Variants in MOXD1 observed in about 807,000 individuals in gnomAD.
MOXD1 encodes DBH-like monooxygenase protein 1.
MOXD1 carries 62 observed loss-of-function variants against 66.6 expected under a neutral mutation model. That is an observed-to-expected ratio of 0.93 (90% CI 0.76 to 1.15). The LOEUF (loss-of-function observed/expected upper bound fraction) is 1.15. Ranked by LOEUF, MOXD1 falls within the 50% of genes most tolerant of loss-of-function variation. The pLI is 0.00. For missense variants in MOXD1, 847 were observed against 754.6 expected (o/e 1.12, Z -1.44); for synonymous variants, 303 against 281.9 (o/e 1.07, Z -0.75).
At chr6:132,343,993 T>C (rs1422014989) in intron 4 of MOXD1, among the ~76,000 whole-genome samples, 2 of 152,292 alleles carry the variant, frequency 1.3e-5, no homozygotes, top group South Asian at 2.1e-4. Flanking sequence ...GTTTTTTCTA[T>C]ATCTATTAAG....
Position 132,401,454 on chromosome 6 carries a change from C to T in MOXD1, c.-28G>A, listed in dbSNP as rs1188886830. ...TCGGGCGCCTCCTGCCCGCCGGTAC[C>T]GGCCTCCAGCCGCTGGGGAGTGAGG... On this transcript the variant is annotated 5_prime_UTR_variant, in exon 1 of 12. Transcript: ENST00000367963. 25 of 1,463,568 alleles carry T rather than the reference C, an allele frequency of 1.7e-5. No homozygotes were observed. The highest frequency in any genetic ancestry group is 1.6e-4 in the South Asian group (12 of 73,424). The allele number at this position is 1,463,568 out of a possible 1,614,324, so 90.7% of individuals were successfully genotyped here. A position where few individuals can be genotyped will look rare whatever the true frequency, so the allele number is the denominator to read the frequency against.
chr6:132,307,747 G>A (rs918610736), intron 10 of MOXD1, among the ~76,000 whole-genome samples: 2 of 152,132 alleles, frequency 1.3e-5, no homozygotes, highest in African/African-American at 2.4e-5. Flanking sequence ...AATGGAAATC[G>A]AACAACCTGG....
intron 2 of MOXD1, 111 bp from the exon 3 acceptor site, chr6:132,373,108 A>G: frequency 9.3e-7 from 1 of 1,076,342 alleles, no homozygotes; most frequent in Non-Finnish European, 1.3e-6. Context: ...AGAAAAGACA[A>G]TAATGACATT....
intron 4 of MOXD1, among the ~76,000 whole-genome samples, chr6:132,338,079 A>G (rs1400774506): frequency 6.6e-6 from 1 of 152,154 alleles, no homozygotes; most frequent in Non-Finnish European, 1.5e-5. Flanking sequence ...TATTCATTTA[A>G]TCCTCAAAGC....
Position 132,314,627 on chromosome 6 carries a change from A to G in MOXD1, c.1508+1008T>C, listed in dbSNP as rs1774902603. 2.6e-5 allele frequency among the ~76,000 whole-genome samples: 4 copies of G among 151,904 alleles called. No homozygotes were observed. The South Asian group carries it at 8.3e-4, about 32-fold the overall frequency. On this transcript the variant is annotated intron_variant, in intron 10 of 11. Coordinates refer to ENST00000367963, the MANE Select transcript of MOXD1 (RefSeq NM_015529.4). Reference sequence around the variant, plus strand: ...GTTCAGACTAACCACAGGGTCATTCATTACACTGGCTCTTTCCTGTGCAGA... The same window carrying G: ...GTTCAGACTAACCACAGGGTCATTCGTTACACTGGCTCTTTCCTGTGCAGA...
chr6:132,361,090 A>C (rs1009289511), intron 4 of MOXD1, among the ~76,000 whole-genome samples: 2 of 152,194 alleles, frequency 1.3e-5, no homozygotes, highest in African/African-American at 4.8e-5. Context: ...TTTATTGGTA[A>C]TGAGATGCAT....
At chr6:132,339,015 A>C (rs1465986024) in intron 4 of MOXD1, among the ~76,000 whole-genome samples, 1 of 152,234 alleles carries the variant, frequency 6.6e-6, no homozygotes, top group Non-Finnish European at 1.5e-5. Flanking sequence ...CCAATATTTC[A>C]AAATCTAATT....
intron 4 of MOXD1, among the ~76,000 whole-genome samples, chr6:132,353,482 A>G (rs1172574098): frequency 2.6e-5 from 4 of 152,360 alleles, no homozygotes; most frequent in Middle Eastern, 3.4e-3. Flanking sequence ...GATTCTGAAG[A>G]TAAAGCCTCA....
intron 4 of MOXD1, among the ~76,000 whole-genome samples, chr6:132,334,060 C>T (rs1406471531): frequency 1.3e-5 from 2 of 152,198 alleles, no homozygotes; most frequent in Non-Finnish European, 1.5e-5. Context: ...ACCTTGACAA[C>T]GACCGTTTTT....
chr6:132,356,173 T>C (rs182471270), intron 4 of MOXD1, among the ~76,000 whole-genome samples: 1 of 152,346 alleles, frequency 6.6e-6, no homozygotes, highest in African/African-American at 2.4e-5. Context: ...GTTCACCTTA[T>C]GAAAATTCAA....
intron 4 of MOXD1, among the ~76,000 whole-genome samples, chr6:132,346,592 G>C (rs1775673235): frequency 6.6e-6 from 1 of 152,146 alleles, no homozygotes; most frequent in African/African-American, 2.4e-5. Flanking sequence ...CCTTTTAAAT[G>C]CCTGCAAAGT....
chr6:132,373,985 T>C (rs543780693), intron 2 of MOXD1, among the ~76,000 whole-genome samples: 45 of 152,308 alleles, frequency 3.0e-4, no homozygotes, highest in Non-Finnish European at 4.9e-4. Context: ...ATTTTTTACA[T>C]TCCCATTTTT....
chr6:132,392,304 A>C (rs1431693784), intron 1 of MOXD1: 1 of 1,593,400 alleles, frequency 6.3e-7, no homozygotes, highest in East Asian at 2.3e-5. Flanking sequence ...GCAAGGCTGT[A>C]AGAAATGATA....
intron 10 of MOXD1, among the ~76,000 whole-genome samples, chr6:132,307,682 C>T (rs1028873708): frequency 5.3e-5 from 8 of 152,176 alleles, no homozygotes; most frequent in African/African-American, 1.9e-4. Context: ...TCTCAGACCA[C>T]AGTGCAGTCA....
chr6:132,348,103 A>C (rs1775703921), intron 4 of MOXD1, among the ~76,000 whole-genome samples: 1 of 152,184 alleles, frequency 6.6e-6, no homozygotes, highest in South Asian at 2.1e-4. Flanking sequence ...AGAGGTTCAC[A>C]CTGAACTCAC....
Position 132,369,345 on chromosome 6 carries a change from TATC to T in MOXD1, c.663+3260_663+3262del, listed in dbSNP as rs1776215583. On this transcript the variant is annotated intron_variant, in intron 4 of 11. Coordinates refer to ENST00000367963, the MANE Select transcript of MOXD1 (RefSeq NM_015529.4). ...GCCTTTTCCATTTCAACTAAGCACT[TATC>T]ATGCACTGTGGCCATAACTTTTGCA... Among the ~76,000 whole-genome samples, 3 of 152,254 alleles carry T rather than the reference TATC, an allele frequency of 2.0e-5. No individual in the cohort carries two copies. In the South Asian group the frequency reaches 6.2e-4, roughly 32 times the overall value.
At chr6:132,315,257 A>C (rs1774917444) in intron 10 of MOXD1, among the ~76,000 whole-genome samples, 1 of 152,182 alleles carries the variant, frequency 6.6e-6, no homozygotes, top group Non-Finnish European at 1.5e-5. Context: ...TGATGGTGTA[A>C]TTTGGTGCAT....
At chr6:132,337,153 CT>C (rs2114600864) in intron 4 of MOXD1, among the ~76,000 whole-genome samples, 1 of 152,352 alleles carries the variant, frequency 6.6e-6, no homozygotes, top group Non-Finnish European at 1.5e-5. Context: ...GGTTTATTTA[CT>C]CAAGTTTTCC....
rs2114665554 is a variant in MOXD1, at chr6:132,374,690, T to C, written c.352A>G (p.Thr118Ala). Residue 118 changes from threonine (T) to alanine (A), a missense_variant, in exon 2 of 12, where the codon ACA (threonine) becomes GCA (alanine). Physicochemically the swap from Thr to Ala is moderately conservative, Grantham distance 58 (BLOSUM62 0). Coordinates refer to ENST00000367963, the MANE Select transcript of MOXD1 (RefSeq NM_015529.4). ...LEYAMENSTH[T>A]IIEFTRELHT... ...AGCTCTCTGGTAAATTCAATTATTG[T>C]GTGTGTGCTATTTTCCATGGCATAT... is the stretch of plus-strand genomic sequence containing the variant. The C allele has an allele frequency of 4.3e-6, 7 of 1,614,032 alleles. No homozygotes were observed. The East Asian group carries it at 1.6e-4, about 36-fold the overall frequency.
Sources: allele counts gnomAD v4.1 joint callset (sites outside exome capture counted in the v4.1 genomes callset), GRCh38; gene constraint gnomAD v4.1.1; transcripts MANE v1.5; gene names NCBI Gene and HGNC (gene_info 2026-07-23, HGNC 2026-07-21).